Variants in ZNF559 observed in about 807,000 individuals in gnomAD.
ZNF559 encodes zinc finger protein 559.
In ZNF559, 17 loss-of-function variants were observed where a neutral mutation model predicts 14.2. The ratio of observed to expected loss-of-function variants is 1.20; its 90% CI spans 0.82 to 1.80. The LOEUF (loss-of-function observed/expected upper bound fraction) is 1.80. Ranked by LOEUF, ZNF559 falls within the 40% of genes most tolerant of loss-of-function variation. The pLI is 0.00. For synonymous variants in ZNF559, 244 were observed against 212.4 expected, an observed-to-expected ratio of 1.15 and a Z score of -1.29; for missense variants, 740 against 629.7, an observed-to-expected ratio of 1.18 and a Z score of -1.88.
At chr19:9,324,625 C>A (rs1323902955) in intron 1 of ZNF559, 70 bp from the exon 2 acceptor site, 12 of 1,028,962 alleles carry the variant, frequency 1.2e-5, no homozygotes, top group Non-Finnish European at 1.6e-5. Context: ...GAGACCCCCC[C>A]CCCCAACCAT....
At chr19:9,335,958 G>A (rs2067214814) in intron 2 of ZNF559, among the ~76,000 whole-genome samples, 1 of 152,238 alleles carries the variant, frequency 6.6e-6, no homozygotes, top group Non-Finnish European at 1.5e-5. Context: ...AGGGGGCTCT[G>A]CTGTAGCAGC....
chr19:9,344,942 A>C lies in ZNF559; in HGVS notation c.*1874A>C, dbSNP rs1448469419. The C allele has an allele frequency of 6.6e-6, 1 of 152,226 alleles. No homozygotes were observed. The highest frequency in any genetic ancestry group is 1.5e-5 in the Non-Finnish European group (1 of 68,042). 9.4% of individuals were successfully genotyped at this position (152,226 alleles called of 1,614,324 possible). The stretch of plus-strand genomic sequence containing the variant: ...ATACACATATGTGTACATACACACC[A>C]TCAAGATAATGAACATACCTATCAA... On this transcript the variant is annotated 3_prime_UTR_variant, in exon 7 of 7. Coordinates refer to ENST00000603380, the MANE Select transcript of ZNF559 (RefSeq NM_032497.3).
At chr19:9,326,013 C>T (rs1485657770) in intron 2 of ZNF559, among the ~76,000 whole-genome samples, 1 of 151,870 alleles carries the variant, frequency 6.6e-6, no homozygotes, top group Non-Finnish European at 1.5e-5. Flanking sequence ...CCCCAGCTGT[C>T]CAAAAGTCAC....
Position 9,335,682 on chromosome 19 carries a change from G to A in ZNF559, c.-119-2114G>A, listed in dbSNP as rs545753129. 3.9e-5 allele frequency among the ~76,000 whole-genome samples: 6 copies of A among 152,222 alleles called. No individual in the cohort carries two copies. In the South Asian group the frequency reaches 6.2e-4, roughly 16 times the overall value. On this transcript the variant is annotated intron_variant, in intron 2 of 6. Coordinates refer to ENST00000603380, the MANE Select transcript of ZNF559 (RefSeq NM_032497.3). ...CCCACGTAGCTGGCACTACAGACAC[G>A]TACCACCACACCTGGCTAATTTTTG...
chr19:9,332,343 G>GTA (rs2066980611), intron 2 of ZNF559, among the ~76,000 whole-genome samples: 1 of 112,192 alleles, frequency 8.9e-6, no homozygotes, highest in Admixed American at 8.9e-5. Context: ...GTATACATAT[G>GTA]TATGTGTGTG....
At chr19:9,323,961 C>A (rs1340980543), upstream of ZNF559, 1 of 574,810 alleles carries the variant, frequency 1.7e-6, no homozygotes. Context: ...CTTTGCTGGG[C>A]GTTTTGTCTA....
At chr19:9,327,992 G>C (rs1487806742) in intron 2 of ZNF559, among the ~76,000 whole-genome samples, 1 of 152,116 alleles carries the variant, frequency 6.6e-6, no homozygotes, top group Non-Finnish European at 1.5e-5. Flanking sequence ...CTGTGTGATA[G>C]GCCCACAGTG....
rs755361407 is a variant in ZNF559, at chr19:9,342,830, CA to C, written c.1380del (p.Glu462ArgfsTer23). 16 of 1,613,876 alleles carry C rather than the reference CA, an allele frequency of 9.9e-6. No individual in the cohort carries two copies. Among genetic ancestry groups the C allele is most frequent in the Non-Finnish European group, 1.2e-5 (14 of 1,180,020 alleles). On this transcript the variant is annotated frameshift_variant, in exon 7 of 7. Transcript: ENST00000603380. LOFTEE classifies it low-confidence loss of function (END_TRUNC). ...SHLSQHKRIH[T>X]GERPYKCQKC... ...CTTAGTCAACATAAAAGAATACATA[CA>C]GGGGAGAGGCCATATAAATGTCAAA... is the stretch of plus-strand genomic sequence containing the variant.
At chr19:9,339,464 T>C (rs2067423595) in intron 5 of ZNF559, 145 bp downstream of exon 5, 15 of 913,352 alleles carry the variant, frequency 1.6e-5, no homozygotes, top group Non-Finnish European at 2.3e-5. Context: ...TACTGCCTTG[T>C]GATTTTTCTG....
At chr19:9,324,593 A>G in intron 1 of ZNF559, 102 bp from the exon 2 acceptor site, 1 of 1,194,528 alleles carries the variant, frequency 8.4e-7, no homozygotes, top group South Asian at 1.5e-5. Context: ...CAGGAGTTCA[A>G]GACCAGGCAG....
Position 9,338,613 on chromosome 19 carries a change from C to T in ZNF559, c.33+31C>T, listed in dbSNP as rs763032815. 4 of 1,505,468 alleles carry T rather than the reference C, an allele frequency of 2.7e-6. No individual in the cohort carries two copies. In the South Asian group the frequency reaches 3.4e-5, roughly 13 times the overall value. The allele number at this position is 1,505,468 out of a possible 1,614,324, so 93.3% of individuals were successfully genotyped here. On this transcript the variant is annotated intron_variant, in intron 4 of 6. Coordinates refer to ENST00000603380, the MANE Select transcript of ZNF559 (RefSeq NM_032497.3). Reference sequence around the variant, plus strand: ...TAGGAAATTGCTTTTTCTGTAGAAGCATATGCTTCTTCCTACCATGTAGAT... The same window carrying T: ...TAGGAAATTGCTTTTTCTGTAGAAGTATATGCTTCTTCCTACCATGTAGAT...
intron 2 of ZNF559, among the ~76,000 whole-genome samples, chr19:9,332,526 A>G (rs900560792): frequency 7.2e-5 from 11 of 152,152 alleles, no homozygotes; most frequent in Non-Finnish European, 1.0e-4. Context: ...TGCCTCGGTC[A>G]TCAGGGAGGC....
upstream of ZNF559, chr19:9,323,863 C>A: frequency 2.6e-6 from 1 of 387,814 alleles, no homozygotes; most frequent in Non-Finnish European, 4.7e-6. Flanking sequence ...CCTTGAGCTG[C>A]CGCTTGGCCA....
intron 2 of ZNF559, among the ~76,000 whole-genome samples, chr19:9,335,423 A>G (rs999513981): frequency 6.6e-6 from 1 of 152,042 alleles, no homozygotes. Flanking sequence ...GCTTGATCCT[A>G]CTATTGCACT....
intron 5 of ZNF559, among the ~76,000 whole-genome samples, chr19:9,339,674 A>G (rs1205483414): frequency 8.9e-6 from 1 of 112,012 alleles, no homozygotes; most frequent in Admixed American, 8.8e-5. Context: ...TTGTGTTGTA[A>G]TTTAAGTTAT....
In ZNF559 at chr19:9,342,742, C is replaced by T; in HGVS notation, c.1291C>T (p.His431Tyr). 1 of 1,614,148 alleles carries T rather than the reference C, an allele frequency of 6.2e-7. No individual in the cohort carries two copies. Residue 431 changes from histidine to tyrosine, a missense_variant, in exon 7 of 7, where the codon CAC (histidine) becomes TAC (tyrosine). His to Tyr is a moderately conservative substitution (Grantham distance 83). Coordinates refer to ENST00000603380, the MANE Select transcript of ZNF559 (RefSeq NM_032497.3). ...ATTTCTTATTCGACATTTGAGAAGT[C>T]ACAGTGCAGAAAGGCCTTTTGAATG... ...SSFLIRHLRS[H>Y]SAERPFECEE...
At chr19:9,339,934 ATTTT>A (rs545536064) in intron 5 of ZNF559, among the ~76,000 whole-genome samples, 2,826 of 86,504 alleles carry the variant, frequency 0.033, 36 homozygotes, top group African/African-American at 0.095. Flanking sequence ...ACGCCTGGCT[ATTTT>A]TTTTTTTTTT....
intron 2 of ZNF559, among the ~76,000 whole-genome samples, chr19:9,329,377 T>C (rs2066815402): frequency 6.6e-6 from 1 of 152,168 alleles, no homozygotes; most frequent in Non-Finnish European, 1.5e-5. Context: ...TTTTCTTCTT[T>C]CAGATCCATT....
At chr19:9,328,668 C>T (rs562327872) in intron 2 of ZNF559, among the ~76,000 whole-genome samples, 213 of 152,262 alleles carry the variant, frequency 1.4e-3, no homozygotes, top group African/African-American at 4.5e-3. Flanking sequence ...AGCCACTGCG[C>T]CTGGCCTAAA....
Sources: allele counts gnomAD v4.1 joint callset (sites outside exome capture counted in the v4.1 genomes callset), GRCh38; gene constraint gnomAD v4.1.1; transcripts MANE v1.5; gene names NCBI Gene and HGNC (gene_info 2026-07-23, HGNC 2026-07-21).